ST6GALNAC5: variants seen among roughly 807,000 people sequenced by gnomAD.
ST6GALNAC5 encodes the protein alpha-N-acetylgalactosaminide alpha-2,6-sialyltransferase 5.
In ST6GALNAC5, 27 loss-of-function variants were observed where a neutral mutation model predicts 33.6. That is an observed-to-expected ratio of 0.80 (90% CI 0.59 to 1.11). The LOEUF is 1.11. Ranked by LOEUF, ST6GALNAC5 falls within the 50% of genes least tolerant of loss-of-function variation. The pLI is 0.00. For synonymous variants in ST6GALNAC5, 194 were observed against 171.2 expected (o/e 1.13, Z -1.04); for missense variants, 428 against 454.0 (o/e 0.94, Z 0.52).
intron 2 of ST6GALNAC5, among the ~76,000 whole-genome samples, chr1:76,966,429 G>A (rs1309074995): frequency 2.0e-4 from 30 of 152,188 alleles, no homozygotes; most frequent in Admixed American, 2.0e-3. Flanking sequence ...GAATGCTTGT[G>A]ATTTTTGCAC....
At chr1:77,060,019 T>C (rs1417531395) in intron 4 of ST6GALNAC5, 1 of 152,198 alleles carries the variant, frequency 6.6e-6, no homozygotes, top group Non-Finnish European at 1.5e-5. Flanking sequence ...GCAGAGTCTA[T>C]GGGGTTGGAG....
chr1:76,988,519 C>A (rs1302917394), intron 2 of ST6GALNAC5, among the ~76,000 whole-genome samples: 1 of 151,474 alleles, frequency 6.6e-6, no homozygotes, highest in Non-Finnish European at 1.5e-5. Flanking sequence ...ATATTTCTTC[C>A]TTTTCTCTCC....
chr1:76,870,232 T>A (rs1653468085), intron 2 of ST6GALNAC5, among the ~76,000 whole-genome samples: 1 of 152,224 alleles, frequency 6.6e-6, no homozygotes, highest in African/African-American at 2.4e-5. Flanking sequence ...CGATAAGGGC[T>A]GGAGTTCTAG....
At chr1:76,893,068 CT>C (rs754495992) in intron 2 of ST6GALNAC5, among the ~76,000 whole-genome samples, 9 of 152,310 alleles carry the variant, frequency 5.9e-5, no homozygotes, top group South Asian at 2.1e-4. Flanking sequence ...CATATATGCA[CT>C]CTTTAATTTA....
At chr1:76,910,738 T>C (rs1646903277) in intron 2 of ST6GALNAC5, among the ~76,000 whole-genome samples, 1 of 152,094 alleles carries the variant, frequency 6.6e-6, no homozygotes, top group African/African-American at 2.4e-5. Flanking sequence ...TCTGCATCCA[T>C]ACAGTTGGAG....
At chr1:76,889,946 T>A (rs182270094) in intron 2 of ST6GALNAC5, among the ~76,000 whole-genome samples, 2 of 152,182 alleles carry the variant, frequency 1.3e-5, no homozygotes, top group African/African-American at 4.8e-5. Context: ...TTGTAAGTTA[T>A]AAGTATGTTT....
chr1:77,060,781 G>A (rs907192437), intron 4 of ST6GALNAC5, among the ~76,000 whole-genome samples: 10 of 152,096 alleles, frequency 6.6e-5, no homozygotes, highest in African/African-American at 2.2e-4. Flanking sequence ...CCTACTCCTA[G>A]GTGCCGAATC....
intron 4 of ST6GALNAC5, 151 bp downstream of exon 4, chr1:77,050,516 C>T (rs919232349): frequency 3.0e-6 from 2 of 656,484 alleles, no homozygotes. Flanking sequence ...AAACAACAAA[C>T]AGCATTTAAT....
At chr1:76,883,924 G>T (rs1394271074) in intron 2 of ST6GALNAC5, among the ~76,000 whole-genome samples, 1 of 152,204 alleles carries the variant, frequency 6.6e-6, no homozygotes, top group Admixed American at 6.5e-5. Flanking sequence ...TGCAGATTTG[G>T]AGAAGTATTA....
At chr1:76,997,403 A>C (rs1044003104) in intron 2 of ST6GALNAC5, among the ~76,000 whole-genome samples, 1 of 152,224 alleles carries the variant, frequency 6.6e-6, no homozygotes, top group African/African-American at 2.4e-5. Context: ...GAGTATGGCA[A>C]CAATGAATGA....
chr1:76,946,730 A>G (rs1303186708), intron 2 of ST6GALNAC5, among the ~76,000 whole-genome samples: 2 of 152,230 alleles, frequency 1.3e-5, no homozygotes, highest in East Asian at 3.9e-4. Flanking sequence ...AAGAATTTAA[A>G]TGATTTTGGG....
At chr1:77,033,543 T>C (rs79440610) in intron 2 of ST6GALNAC5, among the ~76,000 whole-genome samples, 1,656 of 152,238 alleles carry the variant, frequency 0.011, 12 homozygotes, top group Non-Finnish European at 0.018. Flanking sequence ...AGATAACGTA[T>C]GTATTGGGCT....
At chr1:76,919,178 T>C (rs772786720) in intron 2 of ST6GALNAC5, among the ~76,000 whole-genome samples, 6 of 152,088 alleles carry the variant, frequency 3.9e-5, no homozygotes, top group Admixed American at 3.3e-4. Context: ...AGAATAAACG[T>C]GCCCTCCCAA....
At chr1:76,964,903 C>T (rs1471654277) in intron 2 of ST6GALNAC5, among the ~76,000 whole-genome samples, 1 of 152,092 alleles carries the variant, frequency 6.6e-6, no homozygotes, top group African/African-American at 2.4e-5. Flanking sequence ...TGATGGTTTC[C>T]AGCTGCATCC....
intron 2 of ST6GALNAC5, among the ~76,000 whole-genome samples, chr1:76,921,575 C>T (rs1023177440): frequency 9.2e-5 from 14 of 152,240 alleles, no homozygotes; most frequent in Non-Finnish European, 2.9e-5. Flanking sequence ...CTGTGAGCAG[C>T]TTTACATTCA....
At chr1:76,967,494 C>T (rs1359764306) in intron 2 of ST6GALNAC5, among the ~76,000 whole-genome samples, 3 of 152,098 alleles carry the variant, frequency 2.0e-5, no homozygotes, top group Non-Finnish European at 4.4e-5. Context: ...AGCAGTCTTG[C>T]TAGCAGTCTA....
rs769443628 is a variant in ST6GALNAC5, at chr1:77,050,402, G to A, written c.779+37G>A. The A allele has an allele frequency of 4.4e-6, 7 of 1,579,306 alleles. No homozygotes were observed. The Admixed American group carries it at 8.3e-5, about 19-fold the overall frequency. ...TCTGCAAGTGTAAATCATCAGCCGT[G>A]TTGTGCAGGATTTATAAATATCTGA... is the stretch of plus-strand genomic sequence containing the variant. On this transcript the variant is annotated intron_variant, in intron 4 of 4. Transcript: ENST00000477717.
rs576154464 is a variant in ST6GALNAC5, at chr1:76,906,827, TATTTC to T, written c.261+38087_261+38091del. On this transcript the variant is annotated intron_variant, in intron 2 of 4. Transcript: ENST00000477717. ...TCCCTTGAATGCCCCGTAGGTACTT[TATTTC>T]AACATATTCAAAATAAAACTCATCA... 4.2e-4 allele frequency among the ~76,000 whole-genome samples: 64 copies of T among 152,306 alleles called. No homozygotes were observed. In the Middle Eastern group the frequency reaches 0.017, roughly 40 times the overall value.
chr1:76,869,053 C>A, intron 2 of ST6GALNAC5: 1 of 281,494 alleles, frequency 3.6e-6, no homozygotes, highest in Non-Finnish European at 6.4e-6. Flanking sequence ...AGGTCCGGTT[C>A]CTGAAGCCTC....
Sources: gnomAD v4.1 joint callset for allele counts (sites outside exome capture counted in the v4.1 genomes callset) on GRCh38, gnomAD v4.1.1 for gene constraint, MANE v1.5 for transcripts, NCBI Gene and HGNC (gene_info 2026-07-23, HGNC 2026-07-21) for gene names.